Variants in RNF103 observed in about 807,000 individuals in gnomAD.
RNF103 encodes the protein ring finger protein 103.
A neutral mutation model predicts 66.2 loss-of-function variants in RNF103; 23 were observed. The ratio of observed to expected loss-of-function variants is 0.35; its 90% CI spans 0.25 to 0.49. The LOEUF is 0.49. Ranked by LOEUF, RNF103 falls within the 20% of genes least tolerant of loss-of-function variation. The pLI, the probability that RNF103 is intolerant of heterozygous loss-of-function variation, is 0.98. For synonymous variants in RNF103, 297 were observed against 289.9 expected (o/e 1.02, Z -0.25); for missense variants, 730 against 814.7 (o/e 0.90, Z 1.27).
intron 2 of RNF103, chr2:86,617,718 A>G: frequency 3.0e-6 from 3 of 1,004,242 alleles, no homozygotes; most frequent in Non-Finnish European, 3.6e-6. Flanking sequence ...ATCTGAGCTG[A>G]AAGAATGGCA....
chr2:86,622,520 T>C (rs1573373477), intron 1 of RNF103, 141 bp downstream of exon 1: 3 of 743,034 alleles, frequency 4.0e-6, no homozygotes, highest in East Asian at 2.5e-5. Context: ...TACTTGATTG[T>C]AGGAAGCTTG....
At chr2:86,610,154 A>C (rs748422389) in intron 3 of RNF103, among the ~76,000 whole-genome samples, 2 of 152,242 alleles carry the variant, frequency 1.3e-5, no homozygotes, top group Non-Finnish European at 2.9e-5. Flanking sequence ...TGTGCAACAA[A>C]ATCATTTTCT....
intron 2 of RNF103, among the ~76,000 whole-genome samples, chr2:86,619,760 T>C (rs533310936): frequency 6.6e-6 from 1 of 152,302 alleles, no homozygotes; most frequent in East Asian, 1.9e-4. Flanking sequence ...AAAATTCTAA[T>C]ATGCTAATTA....
At chr2:86,606,932 C>G (rs1200520262) in intron 3 of RNF103, among the ~76,000 whole-genome samples, 3 of 151,992 alleles carry the variant, frequency 2.0e-5, no homozygotes, top group African/African-American at 7.3e-5. Flanking sequence ...ATGCACGCCA[C>G]CATGCTAGGC....
Position 86,623,774 on chromosome 2 carries a change from C to T in RNF103, c.-888G>A. 2.3e-6 allele frequency: 3 copies of T among 1,282,932 alleles called. No individual in the cohort carries two copies. The highest frequency in any genetic ancestry group is 3.0e-6 in the Non-Finnish European group (3 of 986,424). The allele number at this position is 1,282,932 out of a possible 1,614,324, so 79.5% of individuals were successfully genotyped here. A position where few individuals can be genotyped will look rare whatever the true frequency, so the allele number is the denominator to read the frequency against. The stretch of plus-strand genomic sequence containing the variant: ...GATGGGCAGTGCCGGTCGCAGCACC[C>T]GTCCCCAACACCCCCGCCACCTCCG... On this transcript the variant is annotated 5_prime_UTR_variant, in exon 1 of 4. Coordinates refer to ENST00000237455, the MANE Select transcript of RNF103 (RefSeq NM_005667.4).
At chr2:86,617,856 AG>A (rs1401883707) in intron 2 of RNF103, 64 of 1,083,396 alleles carry the variant, frequency 5.9e-5, no homozygotes, top group Non-Finnish European at 6.9e-5. Flanking sequence ...TTAGCTGGCT[AG>A]TTCACAGTGC....
In RNF103 at chr2:86,616,866, A is replaced by C. The variant is rs2104251534; in HGVS notation, c.366+3464T>G. 11 of 985,424 alleles carry C rather than the reference A, an allele frequency of 1.1e-5. No homozygotes were observed. In the South Asian group the frequency reaches 5.2e-4, roughly 46 times the overall value. 61.0% of individuals were successfully genotyped at this position (985,424 alleles called of 1,614,324 possible). A position where few individuals can be genotyped will look rare whatever the true frequency, so the allele number is the denominator to read the frequency against. Reference sequence around the variant, plus strand: ...ATCCATAAAACCCATAAATTATGCTAACTTCTCCACTTCAGAAGCCTATCC... The same window carrying C: ...ATCCATAAAACCCATAAATTATGCTCACTTCTCCACTTCAGAAGCCTATCC... On this transcript the variant is annotated intron_variant, in intron 2 of 3. Transcript: ENST00000237455.
At chr2:86,617,885 T>C in intron 2 of RNF103, 1 of 1,046,984 alleles carries the variant, frequency 9.6e-7, no homozygotes. Flanking sequence ...AGGGTTTCAA[T>C]CTCATTCTTC....
In RNF103 at chr2:86,604,737, T is replaced by C. The variant is rs1309050147; in HGVS notation, c.1164A>G (p.Glu388=). The change falls in exon 4 of 4, where the codon GAA becomes GAG. Residue 388 remains glutamate, a synonymous_variant. Transcript: ENST00000237455. ...LQLPYLDSFY[E]YSLKLLRYSN... ...AATATCTCAACAATTTTAAGCTATA[T>C]TCATAAAAGCTATCTAAGTAAGGTA... 3 of 1,613,914 alleles carry C rather than the reference T, an allele frequency of 1.9e-6. No homozygotes were observed. The highest frequency in any genetic ancestry group is 2.5e-6 in the Non-Finnish European group (3 of 1,180,020).
At chr2:86,606,677 A>AGC (rs1678576090) in intron 3 of RNF103, among the ~76,000 whole-genome samples, 1 of 151,196 alleles carries the variant, frequency 6.6e-6, no homozygotes, top group Non-Finnish European at 1.5e-5. Flanking sequence ...AAAAAAAAAA[A>AGC]AAAAAAAAAA....
intron 2 of RNF103, chr2:86,617,378 A>G: frequency 6.2e-6 from 5 of 800,668 alleles, no homozygotes; most frequent in Non-Finnish European, 7.6e-6. Flanking sequence ...CAGTCCGAAA[A>G]TACTACATAC....
At chr2:86,612,360 TAAAA>T (rs202089104) in intron 2 of RNF103, 86 bp from the exon 3 acceptor site, 1 of 714,856 alleles carries the variant, frequency 1.4e-6, no homozygotes, top group Non-Finnish European at 2.4e-6. Context: ...TAATTTCACT[TAAAA>T]AAAAAGATAT....
Position 86,622,939 on chromosome 2 carries a change from G to A in RNF103, c.-53C>T, listed in dbSNP as rs1424404227. On this transcript the variant is annotated 5_prime_UTR_variant, in exon 1 of 4. Transcript: ENST00000237455. ...AGAGCTCGGAATACGGGAGAGAGAA[G>A]GGTCGAGGGCGGGGGCCGCGGCTCG... 5 of 1,534,618 alleles carry A rather than the reference G, an allele frequency of 3.3e-6. No individual in the cohort carries two copies. The highest frequency in any genetic ancestry group is 2.5e-5 in the East Asian group (1 of 40,486).
chr2:86,622,213 G>T (rs1558689778), intron 1 of RNF103, among the ~76,000 whole-genome samples: 1 of 152,154 alleles, frequency 6.6e-6, no homozygotes, highest in Non-Finnish European at 1.5e-5. Flanking sequence ...GCCTCTGATA[G>T]TAAGTATTCC....
Position 86,604,889 on chromosome 2 carries a change from C to T in RNF103, c.1012G>A (p.Ala338Thr). The T allele has an allele frequency of 6.2e-7, 1 of 1,614,048 alleles. No individual in the cohort carries two copies. Among genetic ancestry groups the T allele is most frequent in the Non-Finnish European group, 8.5e-7 (1 of 1,180,000 alleles). The change falls in exon 4 of 4, where the codon GCT becomes ACT. Residue 338 changes from alanine to threonine, a missense_variant. Physicochemically the swap from Ala to Thr is moderately conservative, Grantham distance 58. This residue lies in a region of RNF103 where 48 missense variants were observed against 93.0 expected (regional missense o/e 0.52). Coordinates refer to ENST00000237455, the MANE Select transcript of RNF103 (RefSeq NM_005667.4). ...TGTGTAATAAATAAGTCCATCCAAG[C>T]CATAAGATTAACTAGAACCAAGCTC... Reference protein sequence around the residue: ...VLSLVLVNLMAWMDLFITQGA... With the variant: ...VLSLVLVNLMTWMDLFITQGA...
chr2:86,623,076 GCGA>G lies in RNF103; in HGVS notation c.-193_-191del, dbSNP rs571206475. 223 of 1,297,358 alleles carry G rather than the reference GCGA, an allele frequency of 1.7e-4. No homozygotes were observed. The East Asian group carries it at 6.4e-3, about 37-fold the overall frequency. 80.4% of individuals were successfully genotyped at this position (1,297,358 alleles called of 1,614,324 possible). ...ACGGGATCCGCGCGGGCGCGAGGCG[GCGA>G]CGAGGGACGCAGAGACGCAGAGCCT... is the stretch of plus-strand genomic sequence containing the variant. On this transcript the variant is annotated 5_prime_UTR_variant, in exon 1 of 4. Transcript: ENST00000237455.
chr2:86,605,533 A>C, intron 3 of RNF103, 115 bp from the exon 4 acceptor site: 1 of 1,085,474 alleles, frequency 9.2e-7, no homozygotes, highest in African/African-American at 1.6e-5. Context: ...AAATAATCAA[A>C]AAGTGGTACC....
Position 86,623,358 on chromosome 2 carries a change from G to C in RNF103, c.-472C>G. Reference sequence around the variant, plus strand: ...AGGCGGGGATCCGGGCGGCAGGCCGGGGCCCGAGGGGCCGTGGGGGCCGGA... The same window carrying C: ...AGGCGGGGATCCGGGCGGCAGGCCGCGGCCCGAGGGGCCGTGGGGGCCGGA... On this transcript the variant is annotated 5_prime_UTR_variant, in exon 1 of 4. Coordinates refer to ENST00000237455, the MANE Select transcript of RNF103 (RefSeq NM_005667.4). 3.1e-6 allele frequency: 3 copies of C among 982,834 alleles called. No individual in the cohort carries two copies. Among genetic ancestry groups the C allele is most frequent in the Non-Finnish European group, 1.2e-6 (1 of 828,528 alleles). 60.9% of individuals were successfully genotyped at this position (982,834 alleles called of 1,614,324 possible).
chr2:86,622,912 A>G lies in RNF103; in HGVS notation c.-26T>C. On this transcript the variant is annotated 5_prime_UTR_variant, in exon 1 of 4. Coordinates refer to ENST00000237455, the MANE Select transcript of RNF103 (RefSeq NM_005667.4). ...CTTCCCTGGAGTTTCCTCTCTTTCCAGAGAGCTCGGAATACGGGAGAGAGA... is the reference window on the plus strand; with the variant it reads ...CTTCCCTGGAGTTTCCTCTCTTTCCGGAGAGCTCGGAATACGGGAGAGAGA... 1 of 1,564,184 alleles carries G rather than the reference A, an allele frequency of 6.4e-7. No homozygotes were observed. The highest frequency in any genetic ancestry group is 8.7e-7 in the Non-Finnish European group (1 of 1,154,190).
Sources: gnomAD v4.1 joint callset for allele counts (sites outside exome capture counted in the v4.1 genomes callset) on GRCh38, gnomAD v4.1.1 for gene constraint, gnomAD v4.1.1 regional missense constraint, MANE v1.5 for transcripts, NCBI Gene and HGNC (gene_info 2026-07-23, HGNC 2026-07-21) for gene names.